The following TMEM132D variants were observed in gnomAD, a reference collection of about 807,000 sequenced individuals.
TMEM132D encodes the protein transmembrane protein 132D.
In TMEM132D, 21 loss-of-function variants were observed where a neutral mutation model predicts 62.3. The observed-to-expected ratio is 0.34, with a 90% CI of 0.24 to 0.49. The LOEUF (loss-of-function observed/expected upper bound fraction) is 0.49, where lower values mean the gene tolerates loss of function less well. TMEM132D is among the 20% of genes least tolerant of loss of function. The pLI is 0.99. For synonymous variants in TMEM132D, 621 were observed against 575.6 expected, an observed-to-expected ratio of 1.08 and a Z score of -1.13; for missense variants, 1,346 against 1,402.8, an observed-to-expected ratio of 0.96 and a Z score of 0.65.
intron 5 of TMEM132D, among the ~76,000 whole-genome samples, chr12:129,166,752 TAC>T (rs1164101148): frequency 1.2e-5 from 1 of 80,872 alleles, no homozygotes; most frequent in Non-Finnish European, 2.8e-5. Context: ...CACATATACA[TAC>T]ACACACACAT....
intron 5 of TMEM132D, among the ~76,000 whole-genome samples, chr12:129,140,529 T>C (rs1876708773): frequency 6.6e-6 from 1 of 152,138 alleles, no homozygotes. Flanking sequence ...GTTTGACTTC[T>C]TTCACATTGC....
In TMEM132D at chr12:129,700,491, C is replaced by G. The variant is rs1043198385; in HGVS notation, c.287G>C (p.Ser96Thr). ...KSRRLPVLNA[S>T]YGPFSIEQVV... Reference sequence around the variant, plus strand: ...TTGCTCGATGGAGAAAGGCCCGTAGCTGGCATTGAGGACAGGCAGCCTCCT... The same window carrying G: ...TTGCTCGATGGAGAAAGGCCCGTAGGTGGCATTGAGGACAGGCAGCCTCCT... The change falls in exon 2 of 9, where the codon AGC (serine) becomes ACC (threonine). Residue 96 changes from serine (S) to threonine (T), a missense_variant. Physicochemically the swap from Ser to Thr is moderately conservative, Grantham distance 58. Coordinates refer to ENST00000422113, the MANE Select transcript of TMEM132D (RefSeq NM_133448.3). The G allele has an allele frequency of 6.2e-7, 1 of 1,614,136 alleles. No homozygotes were observed. Among genetic ancestry groups the G allele is most frequent in the Non-Finnish European group, 8.5e-7 (1 of 1,180,044 alleles).
chr12:129,801,331 G>A (rs1330950770), intron 1 of TMEM132D, among the ~76,000 whole-genome samples: 1 of 127,848 alleles, frequency 7.8e-6, no homozygotes, highest in Non-Finnish European at 1.7e-5. Context: ...CTCCCAGCAC[G>A]CAGCTGGAGA....
At chr12:129,853,366 C>T (rs1023914402) in intron 1 of TMEM132D, 1 of 152,226 alleles carries the variant, frequency 6.6e-6, no homozygotes, top group African/African-American at 2.4e-5. Flanking sequence ...GAACAAGAGG[C>T]CGTTTGAAAA....
intron 2 of TMEM132D, among the ~76,000 whole-genome samples, chr12:129,539,197 G>A (rs1876511349): frequency 6.6e-6 from 1 of 151,824 alleles, no homozygotes; most frequent in Non-Finnish European, 1.5e-5. Context: ...ACTCAGAATG[G>A]CATGCAATTT....
At chr12:129,842,491 T>C (rs780546620) in intron 1 of TMEM132D, among the ~76,000 whole-genome samples, 5 of 151,958 alleles carry the variant, frequency 3.3e-5, no homozygotes, top group Non-Finnish European at 5.9e-5. Flanking sequence ...TGTTTTGAGA[T>C]AGAGTCCTGC....
At chr12:129,393,227 A>T (rs1314499365) in intron 3 of TMEM132D, among the ~76,000 whole-genome samples, 1 of 152,210 alleles carries the variant, frequency 6.6e-6, no homozygotes, top group Non-Finnish European at 1.5e-5. Context: ...CTTCCTTACC[A>T]TGTTTGCCCA....
chr12:129,790,201 G>A (rs1871364445), intron 1 of TMEM132D, among the ~76,000 whole-genome samples: 1 of 152,178 alleles, frequency 6.6e-6, no homozygotes, highest in Admixed American at 6.5e-5. Flanking sequence ...CATCTAGGGG[G>A]ATGCCCACGA....
chr12:129,098,934 T>A (rs1875200567), intron 5 of TMEM132D, among the ~76,000 whole-genome samples: 1 of 152,172 alleles, frequency 6.6e-6, no homozygotes, highest in South Asian at 2.1e-4. Context: ...AGGATAAAGT[T>A]CTCTGAGGTT....
intron 2 of TMEM132D, among the ~76,000 whole-genome samples, chr12:129,588,723 T>C (rs370937735): frequency 1.0e-4 from 15 of 144,410 alleles, no homozygotes; most frequent in East Asian, 4.1e-4. Flanking sequence ...TACAGGCACC[T>C]GCCACCACGC....
intron 3 of TMEM132D, among the ~76,000 whole-genome samples, chr12:129,369,936 C>A (rs1009041489): frequency 6.6e-6 from 1 of 152,164 alleles, no homozygotes; most frequent in Non-Finnish European, 1.5e-5. Flanking sequence ...GCTGCGGAAG[C>A]CAGGTGGGTC....
At chr12:129,697,029 G>A (rs945661865) in intron 2 of TMEM132D, among the ~76,000 whole-genome samples, 1 of 152,150 alleles carries the variant, frequency 6.6e-6, no homozygotes, top group Non-Finnish European at 1.5e-5. Context: ...ACAGAAAGAA[G>A]CTAACTCCTG....
intron 5 of TMEM132D, among the ~76,000 whole-genome samples, chr12:129,143,555 C>T (rs1216645046): frequency 6.6e-6 from 1 of 152,170 alleles, no homozygotes; most frequent in Non-Finnish European, 1.5e-5. Context: ...GAAAAATCGG[C>T]AGCAGAGAGA....
At position 129,266,613 on chromosome 12, in the gene TMEM132D, T is replaced by TCTCTCCTCTC. The variant is rs3046044; in HGVS notation, c.1300-56960_1300-56951dup. Among the ~76,000 whole-genome samples, 4 of 145,262 alleles carry TCTCTCCTCTC rather than the reference T, an allele frequency of 2.8e-5. No homozygotes were observed. The East Asian group carries it at 6.3e-4, about 23-fold the overall frequency. On this transcript the variant is annotated intron_variant, in intron 4 of 8. Coordinates refer to ENST00000422113, the MANE Select transcript of TMEM132D (RefSeq NM_133448.3). ...TTTTTCCCCTCCCCTCCCTTCCCTTTCTCTCCTCTCCTCTCTCTGTGCCCT... is the reference window on the plus strand; with the variant it reads ...TTTTTCCCCTCCCCTCCCTTCCCTTTCTCTCCTCTCCTCTCCTCTCCTCTCTCTGTGCCCT...
intron 5 of TMEM132D, among the ~76,000 whole-genome samples, chr12:129,144,100 A>T (rs1413647305): frequency 2.0e-5 from 3 of 152,162 alleles, no homozygotes; most frequent in Middle Eastern, 3.4e-3. Flanking sequence ...CCCCACTTCT[A>T]GCCCTGTGGT....
chr12:129,870,387 C>A (rs1246488028), intron 1 of TMEM132D, among the ~76,000 whole-genome samples: 1 of 152,162 alleles, frequency 6.6e-6, no homozygotes, highest in East Asian at 1.9e-4. Context: ...TACAGTTCCA[C>A]TCCCCAAACC....
chr12:129,107,833 T>C (rs1875550228), intron 5 of TMEM132D, among the ~76,000 whole-genome samples: 1 of 149,782 alleles, frequency 6.7e-6, no homozygotes, highest in Admixed American at 6.7e-5. Flanking sequence ...ACTACAGGTG[T>C]GCACCACCAC....
chr12:129,187,891 C>T (rs1422244568), intron 5 of TMEM132D, among the ~76,000 whole-genome samples: 1 of 152,264 alleles, frequency 6.6e-6, no homozygotes, highest in Non-Finnish European at 1.5e-5. Flanking sequence ...CACTGTCACC[C>T]TATCCTGTAT....
intron 3 of TMEM132D, among the ~76,000 whole-genome samples, chr12:129,416,537 G>A (rs539528527): frequency 2.8e-4 from 42 of 152,184 alleles, no homozygotes; most frequent in African/African-American, 8.7e-4. Context: ...ATTTGAATAC[G>A]CTTTATTTCT....
Sources: allele counts gnomAD v4.1 joint callset (sites outside exome capture counted in the v4.1 genomes callset), GRCh38; gene constraint gnomAD v4.1.1; transcripts MANE v1.5; gene names NCBI Gene and HGNC (gene_info 2026-07-23, HGNC 2026-07-21).